PIK3R3: variants seen among roughly 807,000 people sequenced by gnomAD.
PIK3R3 encodes the protein phosphoinositide-3-kinase regulatory subunit 3.
A neutral mutation model predicts 62.9 loss-of-function variants in PIK3R3; 64 were observed. That is an observed-to-expected ratio of 1.02 (90% CI 0.83 to 1.25). PIK3R3 has a LOEUF of 1.25. PIK3R3 is among the 50% of genes most tolerant of loss of function. The probability of loss-of-function intolerance (pLI) is 0.00; values close to 1 mark genes in which losing one functional copy is unlikely to be tolerated. For missense variants in PIK3R3, 614 were observed against 561.6 expected, an observed-to-expected ratio of 1.09 and a Z score of -0.94; for synonymous variants, 165 against 189.0, an observed-to-expected ratio of 0.87 and a Z score of 1.04.
At chr1:46,129,310 T>C (rs1655367288) in intron 1 of PIK3R3, among the ~76,000 whole-genome samples, 6 of 152,132 alleles carry the variant, frequency 3.9e-5, no homozygotes, top group Admixed American at 2.0e-4. Context: ...CTATAGAATT[T>C]ATGATGCACT....
At chr1:46,076,619 T>G (rs1650091240) in intron 3 of PIK3R3, among the ~76,000 whole-genome samples, 1 of 152,212 alleles carries the variant, frequency 6.6e-6, no homozygotes, top group African/African-American at 2.4e-5. Flanking sequence ...TATGCCATAC[T>G]AGCATAAAAT....
chr1:46,157,183 G>A, the PIK3R3 span, among the ~76,000 whole-genome samples: 10 of 152,200 alleles, frequency 6.6e-5, no homozygotes, highest in Admixed American at 1.3e-4. Flanking sequence ...GCCTAGGCTG[G>A]AGTGCAGTGG....
chr1:46,103,715 C>T (rs1314209814), intron 1 of PIK3R3, among the ~76,000 whole-genome samples: 1 of 151,954 alleles, frequency 6.6e-6, no homozygotes, highest in African/African-American at 2.4e-5. Flanking sequence ...CTGCCTCAGC[C>T]TCCCAAGTAG....
chr1:46,155,320 TCAA>T, the PIK3R3 span, among the ~76,000 whole-genome samples: 2 of 149,256 alleles, frequency 1.3e-5, no homozygotes, highest in Non-Finnish European at 3.0e-5. Context: ...AGACCCTGTC[TCAA>T]CAACAACAAA....
In PIK3R3 at chr1:46,045,815, G is replaced by C. The variant is rs2297883; in HGVS notation, c.1187+103C>G. ...GTTATGGTCCGAGCCATGGGTCCTC[G>C]TTACTGTACATTAACTAATTTCATC... is the stretch of plus-strand genomic sequence containing the variant. On this transcript the variant is annotated intron_variant, in intron 9 of 9. Transcript: ENST00000262741. The C allele has an allele frequency of 0.69, 708,218 of 1,022,206 alleles. 246,642 individuals are homozygous for C. Among genetic ancestry groups the C allele is most frequent in the Non-Finnish European group, 0.71 (469,386 of 662,490 alleles). The allele number at this position is 1,022,206 out of a possible 1,614,324, so 63.3% of individuals were successfully genotyped here. A position where few individuals can be genotyped will look rare whatever the true frequency, so the allele number is the denominator to read the frequency against.
rs1388029081 is a variant in PIK3R3 at position 46,040,930 on chromosome 1, G to C, written c.*2743C>G. The C allele has an allele frequency of 1.1e-5, 2 of 175,438 alleles. No individual in the cohort carries two copies. The highest frequency in any genetic ancestry group is 2.5e-5 in the Non-Finnish European group (2 of 81,412). 10.9% of individuals were successfully genotyped at this position (175,438 alleles called of 1,614,324 possible). A position where few individuals can be genotyped will look rare whatever the true frequency, so the allele number is the denominator to read the frequency against. ...GGCCAGGTGGAGACAACACTGTTCT[G>C]TGATGAAAGCTTCACCTGGAAACAA... On this transcript the variant is annotated 3_prime_UTR_variant, in exon 10 of 10. Coordinates refer to ENST00000262741, the MANE Select transcript of PIK3R3 (RefSeq NM_003629.4).
chr1:46,062,888 G>A lies in PIK3R3; in HGVS notation c.622-817C>T, dbSNP rs548692253. On this transcript the variant is annotated intron_variant, in intron 5 of 9. Coordinates refer to ENST00000262741, the MANE Select transcript of PIK3R3 (RefSeq NM_003629.4). Reference sequence around the variant, plus strand: ...GCTGGACTTGAAATCCTGGGCTTAAGGGATCATTCCACCTCAGCTTCCCAA... The same window carrying A: ...GCTGGACTTGAAATCCTGGGCTTAAAGGATCATTCCACCTCAGCTTCCCAA... 5.9e-5 allele frequency among the ~76,000 whole-genome samples: 9 copies of A among 152,262 alleles called. No individual in the cohort carries two copies. The South Asian group carries it at 1.7e-3, about 28-fold the overall frequency.
chr1:46,061,798 T>C, intron 6 of PIK3R3, 131 bp downstream of exon 6: 1 of 810,958 alleles, frequency 1.2e-6, no homozygotes, highest in Middle Eastern at 2.3e-4. Context: ...GTGCCATTAG[T>C]GGAAACAGCA....
chr1:46,116,390 T>C (rs1425947212), intron 1 of PIK3R3, among the ~76,000 whole-genome samples: 1 of 152,098 alleles, frequency 6.6e-6, no homozygotes, highest in African/African-American at 2.4e-5. Context: ...TGGTAGTGCA[T>C]ACCTGTAGTC....
chr1:46,132,400 A>C lies in PIK3R3; in HGVS notation c.-448T>G. The C allele has an allele frequency of 4.4e-6, 5 of 1,124,036 alleles. No individual in the cohort carries two copies. Among genetic ancestry groups the C allele is most frequent in the Non-Finnish European group, 5.5e-6 (5 of 909,508 alleles). The allele number at this position is 1,124,036 out of a possible 1,614,324, so 69.6% of individuals were successfully genotyped here. A position where few individuals can be genotyped will look rare whatever the true frequency, so the allele number is the denominator to read the frequency against. On this transcript the variant is annotated 5_prime_UTR_variant, in exon 1 of 10. Transcript: ENST00000262741. ...CCGGGCAAGTGACAAAGGAAGGCAAAAAAGGGGGCTGGAGATTGCGTTCAA... is the reference window on the plus strand; with the variant it reads ...CCGGGCAAGTGACAAAGGAAGGCAACAAAGGGGGCTGGAGATTGCGTTCAA...
chr1:46,097,088 A>C (rs1210956776), intron 1 of PIK3R3, among the ~76,000 whole-genome samples: 1 of 152,176 alleles, frequency 6.6e-6, no homozygotes, highest in Non-Finnish European at 1.5e-5. Flanking sequence ...CTCCAGCAAC[A>C]TATAAATAGG....
the PIK3R3 span, among the ~76,000 whole-genome samples, chr1:46,167,421 C>T: frequency 9.2e-5 from 14 of 151,690 alleles, no homozygotes; most frequent in South Asian, 1.9e-3. Context: ...GGAGGCGCAG[C>T]TAGCTAGGTG....
chr1:46,174,461 C>A, the PIK3R3 span, among the ~76,000 whole-genome samples: 1 of 152,126 alleles, frequency 6.6e-6, no homozygotes, highest in Non-Finnish European at 1.5e-5. Flanking sequence ...CCTTCACAGG[C>A]AGCAAAGGAC....
upstream of PIK3R3, among the ~76,000 whole-genome samples, chr1:46,136,191 G>A (rs921376751): frequency 2.3e-4 from 35 of 149,078 alleles, no homozygotes; most frequent in Admixed American, 4.8e-4. Context: ...TTGACCACTT[G>A]TCTTGTGATA....
rs572581184 is a variant in PIK3R3 at position 46,071,229 on chromosome 1, AT to A, written c.315-4139del. On this transcript the variant is annotated intron_variant, in intron 3 of 9. Coordinates refer to ENST00000262741, the MANE Select transcript of PIK3R3 (RefSeq NM_003629.4). ...AACCCTAGTTATTCCCTAAAAAAAA[AT>A]TTTGCCTTCAGCCTCCACCTTTTAA... Among the ~76,000 whole-genome samples, 14 of 152,128 alleles carry A rather than the reference AT, an allele frequency of 9.2e-5. 1 individual carries two copies. The South Asian group carries it at 2.9e-3, about 32-fold the overall frequency.
At chr1:46,139,229 C>G in the PIK3R3 span, 1 of 152,084 alleles carries the variant, frequency 6.6e-6, no homozygotes. Flanking sequence ...CCATAAGACA[C>G]TATTTCTGCC....
At position 46,132,032 on chromosome 1, in the gene PIK3R3, A is replaced by G. The variant is rs1175000232; in HGVS notation, c.-80T>C. 7.7e-6 allele frequency: 12 copies of G among 1,549,454 alleles called. No individual in the cohort carries two copies. The highest frequency in any genetic ancestry group is 1.7e-4 in the Middle Eastern group (1 of 5,804). On this transcript the variant is annotated 5_prime_UTR_variant, in exon 1 of 10. Transcript: ENST00000262741. Reference sequence around the variant, plus strand: ...CTGGTATTTAAAAATCTAAAAATATATATCTGCAAAAGTTCCACACGGAAA... The same window carrying G: ...CTGGTATTTAAAAATCTAAAAATATGTATCTGCAAAAGTTCCACACGGAAA...
At chr1:46,130,641 ACTT>A (rs1217108927) in intron 1 of PIK3R3, among the ~76,000 whole-genome samples, 3 of 152,198 alleles carry the variant, frequency 2.0e-5, no homozygotes, top group Admixed American at 2.0e-4. Context: ...AGACAGTTAC[ACTT>A]CTTCACACTT....
intron 7 of PIK3R3, among the ~76,000 whole-genome samples, chr1:46,052,643 A>T (rs1168331562): frequency 1.3e-5 from 2 of 152,110 alleles, no homozygotes; most frequent in Admixed American, 1.3e-4. Flanking sequence ...CACCATAAAT[A>T]ATCACTATTT....
Sources: allele counts gnomAD v4.1 joint callset (sites outside exome capture counted in the v4.1 genomes callset), GRCh38; gene constraint gnomAD v4.1.1; transcripts MANE v1.5; gene names NCBI Gene and HGNC (gene_info 2026-07-23, HGNC 2026-07-21).